CBX5: variants seen among roughly 807,000 people sequenced by gnomAD.
CBX5 encodes chromobox protein homolog 5.
CBX5 carries 7 observed loss-of-function variants against 20.7 expected under a neutral mutation model. The ratio of observed to expected loss-of-function variants is 0.34; its 90% CI spans 0.19 to 0.63. The LOEUF (loss-of-function observed/expected upper bound fraction) is 0.63, where lower values mean the gene tolerates loss of function less well. CBX5 is among the 30% of genes least tolerant of loss of function. The pLI, the probability that CBX5 is intolerant of heterozygous loss-of-function variation, is 0.75. For synonymous variants in CBX5, 78 were observed against 77.0 expected (o/e 1.01, Z -0.07); for missense variants, 110 against 224.1 (o/e 0.49, Z 3.25).
intron 1 of CBX5, among the ~76,000 whole-genome samples, chr12:54,261,884 A>T (rs1943918144): frequency 6.6e-6 from 1 of 152,204 alleles, no homozygotes; most frequent in African/African-American, 2.4e-5. Context: ...TTGAAACCAA[A>T]GATCTATTAA....
At chr12:54,271,301 A>G (rs903567468) in intron 1 of CBX5, among the ~76,000 whole-genome samples, 3 of 152,034 alleles carry the variant, frequency 2.0e-5, no homozygotes, top group South Asian at 2.1e-4. Flanking sequence ...ATTTCCAAAT[A>G]TAATTGCAGA....
rs142969163 is a variant in CBX5, at chr12:54,232,315, G to C, written c.*9440C>G. The C allele has an allele frequency of 6.6e-6, 1 of 152,400 alleles. No individual in the cohort carries two copies. The highest frequency in any genetic ancestry group is 2.4e-5 in the African/African-American group (1 of 41,568). 9.4% of individuals were successfully genotyped at this position (152,400 alleles called of 1,614,324 possible). A position where few individuals can be genotyped will look rare whatever the true frequency, so the allele number is the denominator to read the frequency against. On this transcript the variant is annotated 3_prime_UTR_variant, in exon 5 of 5. Coordinates refer to ENST00000209875, the MANE Select transcript of CBX5 (RefSeq NM_012117.3). ...TTTGCCGAGTCACTAAGTAGTTCCAGTCTTGGAGACAGCTCAGTGAGGACC... is the reference window on the plus strand; with the variant it reads ...TTTGCCGAGTCACTAAGTAGTTCCACTCTTGGAGACAGCTCAGTGAGGACC...
intron 3 of CBX5, among the ~76,000 whole-genome samples, chr12:54,249,228 G>A (rs529795301): frequency 1.3e-5 from 2 of 152,228 alleles, no homozygotes; most frequent in South Asian, 2.1e-4. Context: ...AAATTAGCCA[G>A]GCATGGTGGC....
intron 4 of CBX5, among the ~76,000 whole-genome samples, chr12:54,245,254 G>A (rs1197610342): frequency 1.3e-5 from 2 of 151,822 alleles, no homozygotes; most frequent in Admixed American, 6.6e-5. Context: ...CAAGAGATCC[G>A]CCTGCCTTGG....
intron 1 of CBX5, among the ~76,000 whole-genome samples, chr12:54,279,237 G>A (rs1944102969): frequency 1.3e-5 from 2 of 150,906 alleles, no homozygotes; most frequent in African/African-American, 2.4e-5. Flanking sequence ...TCTCCCATTC[G>A]TTCTAACATT....
chr12:54,243,528 T>C (rs1463841575), intron 4 of CBX5, among the ~76,000 whole-genome samples: 1 of 151,910 alleles, frequency 6.6e-6, no homozygotes, highest in East Asian at 1.9e-4. Context: ...GCCACTGCAC[T>C]CCAGCCTGGG....
intron 1 of CBX5, among the ~76,000 whole-genome samples, chr12:54,266,649 G>A (rs1348122858): frequency 1.3e-5 from 2 of 152,108 alleles, no homozygotes; most frequent in African/African-American, 4.8e-5. Context: ...CCCAGGCTCT[G>A]ATTACCAATA....
At chr12:54,243,376 A>G (rs1056211245) in intron 4 of CBX5, among the ~76,000 whole-genome samples, 2 of 151,670 alleles carry the variant, frequency 1.3e-5, no homozygotes, top group Admixed American at 6.6e-5. Flanking sequence ...GGGGCAACAT[A>G]GGAAGACCTG....
intron 4 of CBX5, among the ~76,000 whole-genome samples, chr12:54,242,352 C>T (rs1250975398): frequency 6.6e-6 from 1 of 151,750 alleles, no homozygotes; most frequent in Non-Finnish European, 1.5e-5. Flanking sequence ...GGTGAAACCC[C>T]GACTCTACTA....
In CBX5 at chr12:54,247,077, T is replaced by C. The variant is rs190288967; in HGVS notation, c.325-862A>G. On this transcript the variant is annotated intron_variant, in intron 3 of 4. Transcript: ENST00000209875. ...TATGGAAGAATAGAGGTAAGAATTA[T>C]GTAAGGCCAATACTATTAAATAGCA... Among the ~76,000 whole-genome samples, 7 of 152,308 alleles carry C rather than the reference T, an allele frequency of 4.6e-5. No homozygotes were observed. The East Asian group carries it at 1.2e-3, about 25-fold the overall frequency.
At chr12:54,243,657 T>G (rs926821690) in intron 4 of CBX5, among the ~76,000 whole-genome samples, 1 of 152,080 alleles carries the variant, frequency 6.6e-6, no homozygotes, top group African/African-American at 2.4e-5. Context: ...TTGCTTGAGA[T>G]CAGGAGTTCG....
At chr12:54,249,572 G>C (rs1048382457) in intron 3 of CBX5, among the ~76,000 whole-genome samples, 33 of 152,000 alleles carry the variant, frequency 2.2e-4, no homozygotes, top group African/African-American at 7.5e-4. Context: ...GGAAGATTCC[G>C]AAGTAGACTT....
At position 54,274,700 on chromosome 12, in the gene CBX5, G is replaced by A. The variant is rs373566618; in HGVS notation, c.-43+5308C>T. 1.4e-3 allele frequency among the ~76,000 whole-genome samples: 218 copies of A among 152,254 alleles called. 1 individual carries two copies. Among genetic ancestry groups the A allele is most frequent in the African/African-American group, 5.1e-3 (211 of 41,534 alleles). On this transcript the variant is annotated intron_variant, in intron 1 of 4. Coordinates refer to ENST00000209875, the MANE Select transcript of CBX5 (RefSeq NM_012117.3). ...CATGCCTGTAATTCTAACACTTTGG[G>A]AGGCCGAGGCGGTTGGATCATGAGG...
rs1035287498 is a variant in CBX5, at chr12:54,238,566, T to C, written c.*3189A>G. The stretch of plus-strand genomic sequence containing the variant: ...ATGTTCCAATTTTAAATAAAAATTA[T>C]ATTGTCTGAAAGACAATACAATTTT... On this transcript the variant is annotated 3_prime_UTR_variant, in exon 5 of 5. Transcript: ENST00000209875. 6.6e-6 allele frequency: 1 copy of C among 152,348 alleles called. No homozygotes were observed. The highest frequency in any genetic ancestry group is 3.4e-3 in the Middle Eastern group (1 of 294). The allele number at this position is 152,348 out of a possible 1,614,324, so 9.4% of individuals were successfully genotyped here.
intron 3 of CBX5, among the ~76,000 whole-genome samples, chr12:54,250,077 C>T (rs562241188): frequency 6.6e-6 from 1 of 152,062 alleles, no homozygotes; most frequent in South Asian, 2.1e-4. Context: ...ACAAAATTAG[C>T]TGGGCATGGT....
intron 1 of CBX5, among the ~76,000 whole-genome samples, chr12:54,267,730 T>C (rs1042657928): frequency 2.0e-5 from 3 of 152,168 alleles, no homozygotes; most frequent in African/African-American, 7.2e-5. Context: ...TTAGCCAGGA[T>C]GGTCTTGATC....
intron 1 of CBX5, chr12:54,259,474 G>A (rs4759073): frequency 0.52 from 78,611 of 152,496 alleles, 22,312 homozygotes; most frequent in African/African-American, 0.76. Flanking sequence ...AGCCCCAAAG[G>A]TAGAAAATGA....
In CBX5 at chr12:54,232,724, T is replaced by A. The variant is rs1297565943; in HGVS notation, c.*9031A>T. On this transcript the variant is annotated 3_prime_UTR_variant, in exon 5 of 5. Transcript: ENST00000209875. ...GGCCTATTATTTATCTAGTATAATG[T>A]GAGGAATCTTGGAAAAATGAACTGC... 6.6e-6 allele frequency: 1 copy of A among 151,896 alleles called. No individual in the cohort carries two copies. The highest frequency in any genetic ancestry group is 1.9e-4 in the East Asian group (1 of 5,198). The allele number at this position is 151,896 out of a possible 1,614,324, so 9.4% of individuals were successfully genotyped here.
intron 1 of CBX5, among the ~76,000 whole-genome samples, chr12:54,265,606 A>G (rs1943949262): frequency 6.6e-6 from 1 of 152,252 alleles, no homozygotes; most frequent in African/African-American, 2.4e-5. Context: ...AGAGTTGAAG[A>G]GAAAGATTAA....
Sources: gnomAD v4.1 joint callset for allele counts (sites outside exome capture counted in the v4.1 genomes callset) on GRCh38, gnomAD v4.1.1 for gene constraint, MANE v1.5 for transcripts, NCBI Gene and HGNC (gene_info 2026-07-23, HGNC 2026-07-21) for gene names.